The following F3 variants were observed in gnomAD, a reference collection of about 807,000 sequenced individuals.
The protein encoded by F3 is tissue factor.
In F3, 18 loss-of-function variants were observed where a neutral mutation model predicts 33.5. The ratio of observed to expected loss-of-function variants is 0.54; its 90% confidence interval spans 0.37 to 0.80. The LOEUF (loss-of-function observed/expected upper bound fraction) is 0.80, where lower values mean the gene tolerates loss of function less well. Ranked by LOEUF, F3 falls within the 30% of genes least tolerant of loss-of-function variation. F3 has a pLI of 0.00. For synonymous variants in F3, 147 were observed against 140.7 expected (o/e 1.05, Z -0.32); for missense variants, 353 against 362.1 (o/e 0.97, Z 0.20).
At chr1:94,533,385 C>T in intron 3 of F3, 117 bp from the exon 4 acceptor site, 1 of 1,259,740 alleles carries the variant, frequency 7.9e-7, no homozygotes, top group Non-Finnish European at 1.1e-6. Flanking sequence ...GTGCATAGAA[C>T]CAGCTCCCTG....
intron 3 of F3, among the ~76,000 whole-genome samples, chr1:94,535,492 G>A (rs1651574864): frequency 1.3e-5 from 2 of 152,006 alleles, no homozygotes; most frequent in Admixed American, 1.3e-4. Context: ...AGCATAATTA[G>A]GCTAATTATG....
chr1:94,530,336 T>G lies in F3; in HGVS notation c.*124A>C. The G allele has an allele frequency of 8.0e-7, 1 of 1,252,816 alleles. No homozygotes were observed. The highest frequency in any genetic ancestry group is 1.1e-6 in the Non-Finnish European group (1 of 902,158). 77.6% of individuals were successfully genotyped at this position (1,252,816 alleles called of 1,614,324 possible). ...TGGTAATAACAGGTCATATCAAGAG[T>G]TTTTTGAACTCCAGGGTCTTCATGC... On this transcript the variant is annotated 3_prime_UTR_variant, in exon 6 of 6. Transcript: ENST00000334047.
rs200713361 is a variant in F3 at position 94,530,409 on chromosome 1, T to G, written c.*51A>C. ...CCATGTATTCTATCCTCTTAAAAGT[T>G]CTCGGTCACAGTGCAATATAGCATT... On this transcript the variant is annotated 3_prime_UTR_variant, in exon 6 of 6. Transcript: ENST00000334047. The G allele has an allele frequency of 4.4e-6, 7 of 1,607,018 alleles. No homozygotes were observed. The South Asian group carries it at 7.8e-5, about 18-fold the overall frequency.
chr1:94,540,026 C>T (rs994653236), intron 2 of F3, among the ~76,000 whole-genome samples: 2 of 152,214 alleles, frequency 1.3e-5, no homozygotes, highest in African/African-American at 4.8e-5. Flanking sequence ...GGAACTCTCC[C>T]ATCATTTCCA....
In F3 at chr1:94,532,452, A is replaced by T; in HGVS notation, c.620T>A (p.Phe207Tyr). Reference sequence around the variant, plus strand: ...TTCTCCTTTATCCACATCAATCAAAAACTCATTAGTGTTTGTTTTGGCTGT... The same window carrying T: ...TTCTCCTTTATCCACATCAATCAAATACTCATTAGTGTTTGTTTTGGCTGT... ...KKTAKTNTNEFLIDVDKGENY... is the reference protein window; with the variant it reads ...KKTAKTNTNEYLIDVDKGENY... The change falls in exon 5 of 6, where the codon TTT (phenylalanine) becomes TAT (tyrosine). Residue 207 changes from phenylalanine to tyrosine, a missense_variant. Coordinates refer to ENST00000334047, the MANE Select transcript of F3 (RefSeq NM_001993.5). The T allele has an allele frequency of 6.2e-7, 1 of 1,614,124 alleles. No homozygotes were observed.
At chr1:94,536,328 T>C (rs967095869) in intron 2 of F3, among the ~76,000 whole-genome samples, 164 bp from the exon 3 acceptor site, 15 of 152,124 alleles carry the variant, frequency 9.9e-5, no homozygotes, top group Non-Finnish European at 1.5e-4. Flanking sequence ...TTTTTAAACA[T>C]TGTTTTGTAG....
intron 1 of F3, 57 bp from the exon 2 acceptor site, chr1:94,540,425 T>C (rs1048143854): frequency 8.4e-7 from 1 of 1,193,004 alleles, no homozygotes; most frequent in Non-Finnish European, 1.2e-6. Context: ...CTCGAATGTA[T>C]TGATGTATAA....
Position 94,541,526 on chromosome 1 carries a change from G to A in F3, c.100+11C>T, listed in dbSNP as rs1177966756. ...GCGCGCCCCGGGCTTCCAGGGGCTG[G>A]TGCCACTCACCTGAAGCGCCGGCCA... On this transcript the variant is annotated intron_variant, in intron 1 of 5. Coordinates refer to ENST00000334047, the MANE Select transcript of F3 (RefSeq NM_001993.5). 3.4e-5 allele frequency: 51 copies of A among 1,480,882 alleles called. No homozygotes were observed. The highest frequency in any genetic ancestry group is 4.1e-5 in the Non-Finnish European group (46 of 1,116,080). 91.7% of individuals were successfully genotyped at this position (1,480,882 alleles called of 1,614,324 possible).
Position 94,541,642 on chromosome 1 carries a change from C to T in F3, c.-6G>A, listed in dbSNP as rs780858371. 7.1e-7 allele frequency: 1 copy of T among 1,399,662 alleles called. No individual in the cohort carries two copies. Among genetic ancestry groups the T allele is most frequent in the East Asian group, 2.8e-5 (1 of 35,540 alleles). The allele number at this position is 1,399,662 out of a possible 1,614,324, so 86.7% of individuals were successfully genotyped here. A position where few individuals can be genotyped will look rare whatever the true frequency, so the allele number is the denominator to read the frequency against. On this transcript the variant is annotated 5_prime_UTR_variant, in exon 1 of 6. Coordinates refer to ENST00000334047, the MANE Select transcript of F3 (RefSeq NM_001993.5). ...GGCCAGGCAGGGGTCTCCATGTCTA[C>T]CAGTTGGCGGCGAGATCGAGCGGGT...
chr1:94,536,392 AGT>A (rs1221038834), intron 2 of F3, among the ~76,000 whole-genome samples: 4 of 152,122 alleles, frequency 2.6e-5, no homozygotes, highest in Non-Finnish European at 5.9e-5. Context: ...GGCCTCCCAA[AGT>A]GCTGAATGTA....
chr1:94,540,870 G>A (rs1178329816), intron 1 of F3: 4 of 155,480 alleles, frequency 2.6e-5, no homozygotes, highest in African/African-American at 7.2e-5. Flanking sequence ...AGAGACCCAC[G>A]GGGACGTGTG....
intron 3 of F3, among the ~76,000 whole-genome samples, chr1:94,534,316 G>A (rs993105804): frequency 1.3e-5 from 2 of 152,170 alleles, no homozygotes; most frequent in African/African-American, 2.4e-5. Flanking sequence ...TCAACCGATA[G>A]GTAGGCTATT....
At position 94,540,401 on chromosome 1, in the gene F3, T is replaced by C. The variant is rs369005912; in HGVS notation, c.101-33A>G. The C allele has an allele frequency of 4.2e-6, 6 of 1,440,432 alleles. No homozygotes were observed. In the African/African-American group the frequency reaches 4.2e-5, roughly 10 times the overall value. The allele number at this position is 1,440,432 out of a possible 1,614,324, so 89.2% of individuals were successfully genotyped here. ...CAACAGAGAAACAGCTATTATTACATGCACTTCAGAGCACTCGAATGTATT... is the reference window on the plus strand; with the variant it reads ...CAACAGAGAAACAGCTATTATTACACGCACTTCAGAGCACTCGAATGTATT... On this transcript the variant is annotated intron_variant, in intron 1 of 5. Transcript: ENST00000334047.
chr1:94,541,454 G>C, intron 1 of F3, 83 bp downstream of exon 1: 1 of 1,146,014 alleles, frequency 8.7e-7, no homozygotes. Flanking sequence ...CGGGGAACCA[G>C]GGCGAGCCCG....
In F3 at chr1:94,541,577, G is replaced by C; in HGVS notation, c.60C>G (p.Leu20=). Residue 20 remains leucine (L), a synonymous_variant, in exon 1 of 6, where the codon CTC becomes CTG. Transcript: ENST00000334047. ...CCTGGGCGAAGACCCAGCCGAGCAG[G>C]AGCGTCCGAGCGACGGCGGTCTCGG... ...PRPETAVART[L]LLGWVFAQVA... The C allele has an allele frequency of 2.0e-6, 3 of 1,486,664 alleles. No individual in the cohort carries two copies. Among genetic ancestry groups the C allele is most frequent in the South Asian group, 2.6e-5 (2 of 75,902 alleles). The allele number at this position is 1,486,664 out of a possible 1,614,324, so 92.1% of individuals were successfully genotyped here.
rs1242628074 is a variant in F3, at chr1:94,529,677, AAAG to A, written c.*780_*782del. 2 of 152,658 alleles carry A rather than the reference AAAG, an allele frequency of 1.3e-5. No homozygotes were observed. The highest frequency in any genetic ancestry group is 1.5e-5 in the Non-Finnish European group (1 of 68,020). The allele number at this position is 152,658 out of a possible 1,614,324, so 9.5% of individuals were successfully genotyped here. On this transcript the variant is annotated 3_prime_UTR_variant, in exon 6 of 6. Transcript: ENST00000334047. ...TTTCCAAATGTATTCCTGAAAAAAA[AAAG>A]AACCTAAACACTATATTATAGACAT...
In F3 at chr1:94,540,368, C is replaced by T. The variant is rs750810316; in HGVS notation, c.101G>A (p.Gly34Asp). The T allele has an allele frequency of 1.0e-5, 16 of 1,603,534 alleles. No homozygotes were observed. Among genetic ancestry groups the T allele is most frequent in the Non-Finnish European group, 1.4e-5 (16 of 1,171,212 alleles). ...WVFAQVAGAS[G>D]TTNTVAAYNL... ...ATATGCTGCCACAGTATTTGTAGTGCCTTTAAACAACAGAGAAACAGCTAT... is the reference window on the plus strand; with the variant it reads ...ATATGCTGCCACAGTATTTGTAGTGTCTTTAAACAACAGAGAAACAGCTAT... Residue 34 changes from glycine (G) to aspartate (D), a missense_variant and splice_region_variant, in exon 2 of 6, where the codon GGC (glycine) becomes GAC (aspartate). Coordinates refer to ENST00000334047, the MANE Select transcript of F3 (RefSeq NM_001993.5).
intron 5 of F3, among the ~76,000 whole-genome samples, chr1:94,531,823 G>T (rs1450310421): frequency 1.3e-5 from 2 of 152,142 alleles, no homozygotes; most frequent in South Asian, 2.1e-4. Context: ...ACACATGCAT[G>T]CATGTGGGTA....
chr1:94,533,076 T>TA lies in F3; in HGVS notation c.591+13dup. ...TTTAAAACAGGTCATAAAAACAAAT[T>TA]AAAAAATGCTCACCTTTCCTGAACT... On this transcript the variant is annotated intron_variant, in intron 4 of 5. Coordinates refer to ENST00000334047, the MANE Select transcript of F3 (RefSeq NM_001993.5). 6.2e-7 allele frequency: 1 copy of TA among 1,606,010 alleles called. No individual in the cohort carries two copies. The highest frequency in any genetic ancestry group is 1.7e-5 in the Admixed American group (1 of 57,638).
Sources: allele counts gnomAD v4.1 joint callset (sites outside exome capture counted in the v4.1 genomes callset), GRCh38; gene constraint gnomAD v4.1.1; transcripts MANE v1.5; gene names NCBI Gene and HGNC (gene_info 2026-07-23, HGNC 2026-07-21).